PDE4D: variants seen among roughly 807,000 people sequenced by gnomAD.
The protein encoded by PDE4D is 3',5'-cyclic-AMP phosphodiesterase 4D.
PDE4D carries 24 observed loss-of-function variants against 87.4 expected under a neutral mutation model. That is an observed-to-expected ratio of 0.27 (90% CI 0.20 to 0.39). PDE4D has a LOEUF of 0.39. Among genes scored for constraint, PDE4D ranks in the 10% least tolerant of loss-of-function variants. The probability of loss-of-function intolerance (pLI) is 1.00; values close to 1 mark genes in which losing one functional copy is unlikely to be tolerated. For synonymous variants in PDE4D, 384 were observed against 383.2 expected, an observed-to-expected ratio of 1.00 and a Z score of -0.02; for missense variants, 714 against 1,041.0, an observed-to-expected ratio of 0.69 and a Z score of 4.32.
At chr5:60,337,243 G>T (rs983654697) in intron 1 of PDE4D, among the ~76,000 whole-genome samples, 4 of 150,150 alleles carry the variant, frequency 2.7e-5, no homozygotes, top group Non-Finnish European at 5.9e-5. Context: ...TGAGGCAGGA[G>T]AATCACTTGA....
intron 1 of PDE4D, among the ~76,000 whole-genome samples, chr5:60,425,503 CCT>C (rs1208812714): frequency 6.6e-6 from 1 of 152,088 alleles, no homozygotes; most frequent in Non-Finnish European, 1.5e-5. Flanking sequence ...AAACTGGATC[CCT>C]TCCTTACACC....
chr5:59,377,214 G>A (rs1050786137), intron 1 of PDE4D, among the ~76,000 whole-genome samples: 14 of 151,918 alleles, frequency 9.2e-5, no homozygotes, highest in Non-Finnish European at 2.9e-5. Flanking sequence ...TCAGGAGATC[G>A]AGACCATCAT....
At chr5:59,522,582 C>T (rs1472201094) in intron 1 of PDE4D, among the ~76,000 whole-genome samples, 1 of 152,158 alleles carries the variant, frequency 6.6e-6, no homozygotes, top group African/African-American at 2.4e-5. Flanking sequence ...TTTGAGAAGA[C>T]CCTTTATTTC....
chr5:59,684,391 G>A (rs572829306), intron 1 of PDE4D, among the ~76,000 whole-genome samples: 11 of 152,168 alleles, frequency 7.2e-5, no homozygotes, highest in Admixed American at 5.2e-4. Flanking sequence ...TGCAGCTCTC[G>A]ATACCATTTT....
intron 3 of PDE4D, among the ~76,000 whole-genome samples, chr5:59,957,719 T>G (rs1759002072): frequency 6.6e-6 from 1 of 151,986 alleles, no homozygotes; most frequent in Admixed American, 6.6e-5. Flanking sequence ...TCAAATGCTA[T>G]AACGTATTTT....
At chr5:60,134,184 A>G (rs938295616) in intron 2 of PDE4D, among the ~76,000 whole-genome samples, 2 of 152,144 alleles carry the variant, frequency 1.3e-5, no homozygotes, top group Non-Finnish European at 2.9e-5. Context: ...TTAATTCTAC[A>G]ATTTTATTTT....
intron 1 of PDE4D, among the ~76,000 whole-genome samples, chr5:60,419,849 G>C (rs1468567322): frequency 6.6e-6 from 1 of 152,186 alleles, no homozygotes. Context: ...GCCCACGAAT[G>C]TCCACCTCTG....
chr5:60,392,838 G>A (rs911236795), intron 1 of PDE4D, among the ~76,000 whole-genome samples: 3 of 152,138 alleles, frequency 2.0e-5, no homozygotes, highest in Non-Finnish European at 2.9e-5. Context: ...CATGCTTCCA[G>A]TTACCACTCT....
At chr5:60,494,080 T>C (rs1255409302) in intron 1 of PDE4D, among the ~76,000 whole-genome samples, 1 of 152,206 alleles carries the variant, frequency 6.6e-6, no homozygotes, top group African/African-American at 2.4e-5. Context: ...AAGTTAGGCA[T>C]CATCTCTGGT....
intron 2 of PDE4D, among the ~76,000 whole-genome samples, chr5:60,105,907 C>A (rs926048273): frequency 6.6e-6 from 1 of 152,156 alleles, no homozygotes; most frequent in Non-Finnish European, 1.5e-5. Context: ...AAAAACATGC[C>A]AAATTGTAAA....
intron 1 of PDE4D, among the ~76,000 whole-genome samples, chr5:59,459,032 A>C (rs1286754203): frequency 6.6e-6 from 1 of 152,202 alleles, no homozygotes; most frequent in East Asian, 1.9e-4. Flanking sequence ...TTTATAATGA[A>C]TATTCGATGA....
intron 1 of PDE4D, among the ~76,000 whole-genome samples, chr5:60,461,209 C>T (rs1009846027): frequency 6.6e-6 from 1 of 152,122 alleles, no homozygotes; most frequent in Non-Finnish European, 1.5e-5. Flanking sequence ...TGATGGGTGA[C>T]AGAAAGAGGA....
Position 60,197,070 on chromosome 5 carries a change from T to TAGATAGACAGAC in PDE4D, c.-89-11384_-89-11383insGTCTGTCTATCT, listed in dbSNP as rs1316937670. 2.3e-3 allele frequency among the ~76,000 whole-genome samples: 286 copies of TAGATAGACAGAC among 122,990 alleles called. 3 individuals carry two copies. Among genetic ancestry groups the TAGATAGACAGAC allele is most frequent in the African/African-American group, 4.7e-3 (153 of 32,580 alleles). The allele number at this position is 122,990 out of a possible 152,430, so 80.7% of individuals were successfully genotyped here. ...ATAGATAGATAGATAGATAGATAGATAGACAGTTAGATAGATAGATAGATA... is the reference window on the plus strand; with the variant it reads ...ATAGATAGATAGATAGATAGATAGATAGATAGACAGACAGACAGTTAGATAGATAGATAGATA... On this transcript the variant is annotated intron_variant, in intron 1 of 16. Transcript: ENST00000502484.
intron 1 of PDE4D, among the ~76,000 whole-genome samples, chr5:59,288,481 A>T (rs1189724223): frequency 2.0e-5 from 3 of 152,082 alleles, no homozygotes; most frequent in Admixed American, 2.0e-4. Context: ...GGCAAATCTA[A>T]GAGTTATTGA....
rs372303646 is a variant in PDE4D at position 60,508,431 on chromosome 5, A to G, written n.70+13620T>C. On this transcript the variant is annotated intron_variant and non_coding_transcript_variant, in intron 1 of 2. Coordinates refer to the PDE4D transcript ENST00000506510. ...ATCTGCTAAAATAAACCAGAACAAA[A>G]GAGGATTTTATTTAGAGTTTTGTTT... 5.3e-5 allele frequency among the ~76,000 whole-genome samples: 8 copies of G among 152,356 alleles called. 1 individual carries two copies. The highest frequency in any genetic ancestry group is 1.9e-4 in the African/African-American group (8 of 41,584).
intron 5 of PDE4D, among the ~76,000 whole-genome samples, chr5:59,099,308 G>A (rs116693025): frequency 3.6e-4 from 55 of 152,278 alleles, no homozygotes; most frequent in African/African-American, 1.2e-3. Flanking sequence ...GTAAAGATCC[G>A]GTTCTTTACT....
At chr5:59,362,008 A>C (rs1782300132) in intron 1 of PDE4D, among the ~76,000 whole-genome samples, 1 of 152,142 alleles carries the variant, frequency 6.6e-6, no homozygotes, top group African/African-American at 2.4e-5. Context: ...AGGGGATTAG[A>C]GATTAGAGTC....
chr5:59,554,907 G>T (rs968496778), intron 1 of PDE4D, among the ~76,000 whole-genome samples: 2 of 152,168 alleles, frequency 1.3e-5, no homozygotes, highest in African/African-American at 4.8e-5. Context: ...GGGGTTGGGG[G>T]TGTAAGAAGA....
chr5:59,043,010 G>C (rs973741630), intron 5 of PDE4D, among the ~76,000 whole-genome samples: 1 of 152,200 alleles, frequency 6.6e-6, no homozygotes, highest in African/African-American at 2.4e-5. Flanking sequence ...ACAACTCACA[G>C]TGATGTTGAC....
Sources: allele counts gnomAD v4.1 joint callset (sites outside exome capture counted in the v4.1 genomes callset), GRCh38; gene constraint gnomAD v4.1.1; transcripts MANE v1.5; gene names NCBI Gene and HGNC (gene_info 2026-07-23, HGNC 2026-07-21).